PTPRT: variants seen among roughly 807,000 people sequenced by gnomAD.
PTPRT encodes protein tyrosine phosphatase receptor type T.
PTPRT carries 56 observed loss-of-function variants against 176.8 expected under a neutral mutation model. That is an observed-to-expected ratio of 0.32 (90% CI 0.26 to 0.40). The LOEUF (loss-of-function observed/expected upper bound fraction) is 0.40, where lower values mean the gene tolerates loss of function less well. Among genes scored for constraint, PTPRT ranks in the 10% least tolerant of loss-of-function variants. The probability of loss-of-function intolerance (pLI) is 1.00; values close to 1 mark genes in which losing one functional copy is unlikely to be tolerated. For missense variants in PTPRT, 1,540 were observed against 1,908.2 expected (o/e 0.81, Z 3.60); for synonymous variants, 783 against 739.0 (o/e 1.06, Z -0.96).
At chr20:42,595,347 G>C (rs148277632) in intron 7 of PTPRT, among the ~76,000 whole-genome samples, 368 of 152,132 alleles carry the variant, frequency 2.4e-3, no homozygotes, top group South Asian at 0.019. Context: ...GTGCACTGTA[G>C]GATGTTTAGA....
chr20:42,358,770 T>C (rs868255014), intron 9 of PTPRT, among the ~76,000 whole-genome samples: 9 of 152,180 alleles, frequency 5.9e-5, no homozygotes, highest in South Asian at 2.1e-4. Context: ...AAGAAGAAGA[T>C]ACGCTTTTCT....
intron 1 of PTPRT, among the ~76,000 whole-genome samples, chr20:42,952,831 C>G (rs772290899): frequency 7.9e-5 from 12 of 152,160 alleles, no homozygotes; most frequent in Non-Finnish European, 1.8e-4. Context: ...GACACAGAAC[C>G]TCTCTGAGGC....
intron 6 of PTPRT, among the ~76,000 whole-genome samples, chr20:42,717,060 T>C (rs990291762): frequency 1.3e-5 from 2 of 151,842 alleles, no homozygotes; most frequent in African/African-American, 4.8e-5. Context: ...GCGGGAGGGA[T>C]AGCATTAGGA....
At chr20:42,772,120 G>A (rs533163227) in intron 4 of PTPRT, among the ~76,000 whole-genome samples, 4 of 152,302 alleles carry the variant, frequency 2.6e-5, no homozygotes, top group East Asian at 1.9e-4. Context: ...CCTGGGTGAC[G>A]ATGTTGATGA....
At chr20:42,144,304 A>G (rs1484135123) in intron 17 of PTPRT, among the ~76,000 whole-genome samples, 1 of 152,206 alleles carries the variant, frequency 6.6e-6, no homozygotes, top group African/African-American at 2.4e-5. Context: ...TAAAGTGCTT[A>G]GTAGAGTGCC....
At chr20:42,380,375 C>T (rs2058687679) in intron 9 of PTPRT, among the ~76,000 whole-genome samples, 1 of 152,168 alleles carries the variant, frequency 6.6e-6, no homozygotes, top group Non-Finnish European at 1.5e-5. Context: ...TTAGCCCACA[C>T]TCACTGTCCT....
intron 1 of PTPRT, among the ~76,000 whole-genome samples, chr20:43,161,043 T>C (rs1420460637): frequency 2.0e-5 from 3 of 152,188 alleles, no homozygotes; most frequent in Non-Finnish European, 4.4e-5. Flanking sequence ...CATGAGCCAC[T>C]GTGTCCAGCC....
rs1985446881 is a variant in PTPRT, at chr20:42,098,022, C to T, written c.3846+399G>A. Among the ~76,000 whole-genome samples the T allele has an allele frequency of 2.0e-5, 3 of 152,284 alleles. No homozygotes were observed. The South Asian group carries it at 6.2e-4, about 32-fold the overall frequency. On this transcript the variant is annotated intron_variant, in intron 27 of 30. Coordinates refer to ENST00000373187, the MANE Select transcript of PTPRT (RefSeq NM_007050.6). ...GGCTCTGTCTGTACAGGCTGCATTG[C>T]AGAGGGGGAAGGGAGGTGAGTGTGG...
rs374121169 is a variant in PTPRT at position 42,722,116 on chromosome 20, T to G, written c.859+34346A>C. Among the ~76,000 whole-genome samples, 68 of 152,240 alleles carry G rather than the reference T, an allele frequency of 4.5e-4. 1 individual carries two copies. In the South Asian group the frequency reaches 0.013, roughly 29 times the overall value. On this transcript the variant is annotated intron_variant, in intron 6 of 30. Coordinates refer to ENST00000373187, the MANE Select transcript of PTPRT (RefSeq NM_007050.6). ...TGGCCTCTTTGCTTCCTCCCAAGTGTCCTCCCTTCCTCTCTGCACATTCTT... is the reference window on the plus strand; with the variant it reads ...TGGCCTCTTTGCTTCCTCCCAAGTGGCCTCCCTTCCTCTCTGCACATTCTT...
rs1159628635 is a variant in PTPRT at position 42,619,596 on chromosome 20, G to C, written c.1153+58270C>G. 1.3e-4 allele frequency among the ~76,000 whole-genome samples: 17 copies of C among 133,272 alleles called. 1 individual carries two copies. Among genetic ancestry groups the C allele is most frequent in the African/African-American group, 5.7e-4 (17 of 29,680 alleles). The allele number at this position is 133,272 out of a possible 152,430, so 87.4% of individuals were successfully genotyped here. On this transcript the variant is annotated intron_variant, in intron 7 of 30. Coordinates refer to ENST00000373187, the MANE Select transcript of PTPRT (RefSeq NM_007050.6). ...GGTACACCAATCAGACGTAGATTTG[G>C]TCTTTTCACATAGTCCCATATTTCT...
intron 7 of PTPRT, among the ~76,000 whole-genome samples, chr20:42,480,112 G>A (rs995907312): frequency 6.6e-6 from 1 of 152,174 alleles, no homozygotes; most frequent in African/African-American, 2.4e-5. Context: ...TACTCACTGA[G>A]CATGGAGGCA....
intron 7 of PTPRT, among the ~76,000 whole-genome samples, chr20:42,566,326 G>C (rs764718756): frequency 6.6e-6 from 1 of 152,024 alleles, no homozygotes; most frequent in African/African-American, 2.4e-5. Context: ...CATAGACACG[G>C]GTTCTCCCTT....
intron 1 of PTPRT, among the ~76,000 whole-genome samples, chr20:42,938,597 G>T (rs1387712077): frequency 6.6e-6 from 1 of 152,152 alleles, no homozygotes; most frequent in Non-Finnish European, 1.5e-5. Flanking sequence ...GTCAGTAAGA[G>T]CCTTTCCCTT....
At chr20:42,618,295 G>T (rs2145847177) in intron 7 of PTPRT, among the ~76,000 whole-genome samples, 1 of 131,992 alleles carries the variant, frequency 7.6e-6, no homozygotes, top group East Asian at 2.0e-4. Flanking sequence ...ATTGCACTGT[G>T]GTCTGAGAGA....
At chr20:43,167,651 T>A (rs1568823477) in intron 1 of PTPRT, among the ~76,000 whole-genome samples, 1 of 152,216 alleles carries the variant, frequency 6.6e-6, no homozygotes, top group Non-Finnish European at 1.5e-5. Context: ...ACTTCTGTCC[T>A]GCTACAGAAG....
intron 11 of PTPRT, among the ~76,000 whole-genome samples, chr20:42,346,645 C>T (rs1218343553): frequency 6.6e-6 from 1 of 152,156 alleles, no homozygotes; most frequent in African/African-American, 2.4e-5. Flanking sequence ...TGTCACATCT[C>T]GCCCCCCTGC....
At chr20:42,239,249 A>G (rs1316824500) in intron 14 of PTPRT, among the ~76,000 whole-genome samples, 1 of 152,102 alleles carries the variant, frequency 6.6e-6, no homozygotes, top group African/African-American at 2.4e-5. Context: ...TTTAGCACAC[A>G]TTAACTCATG....
intron 7 of PTPRT, among the ~76,000 whole-genome samples, chr20:42,648,022 CT>C (rs1273354828): frequency 2.0e-5 from 3 of 152,102 alleles, no homozygotes; most frequent in Admixed American, 6.5e-5. Context: ...AGAAATGGCC[CT>C]GAAGTGGGTC....
chr20:42,514,257 C>G (rs1048389468), intron 7 of PTPRT, among the ~76,000 whole-genome samples: 5 of 152,200 alleles, frequency 3.3e-5, no homozygotes, highest in African/African-American at 7.2e-5. Context: ...CGGCACCCTC[C>G]TGCTCCCCAT....
Sources: allele counts gnomAD v4.1 joint callset (sites outside exome capture counted in the v4.1 genomes callset), GRCh38; gene constraint gnomAD v4.1.1; transcripts MANE v1.5; gene names NCBI Gene and HGNC (gene_info 2026-07-23, HGNC 2026-07-21).